Variants in RALGPS2 observed in about 807,000 individuals in gnomAD.
RALGPS2 encodes ras-specific guanine nucleotide-releasing factor RalGPS2.
A neutral mutation model predicts 86.8 loss-of-function variants in RALGPS2; 43 were observed. That is an observed-to-expected ratio of 0.50 (90% confidence interval 0.39 to 0.64). The LOEUF (loss-of-function observed/expected upper bound fraction) is 0.64. RALGPS2 is among the 30% of genes least tolerant of loss of function. The pLI, the probability that RALGPS2 is intolerant of heterozygous loss-of-function variation, is 0.00. For missense variants in RALGPS2, 536 were observed against 694.6 expected, an observed-to-expected ratio of 0.77 and a Z score of 2.57; for synonymous variants, 243 against 231.3, an observed-to-expected ratio of 1.05 and a Z score of -0.46.
chr1:178,773,323 G>C (rs1346771167), intron 1 of RALGPS2, among the ~76,000 whole-genome samples: 1 of 152,010 alleles, frequency 6.6e-6, no homozygotes, highest in East Asian at 1.9e-4. Flanking sequence ...CAGCCTGCAT[G>C]ACAGAGCAAG....
intron 16 of RALGPS2, among the ~76,000 whole-genome samples, chr1:178,897,350 C>G (rs757125567): frequency 3.2e-4 from 48 of 151,988 alleles, no homozygotes; most frequent in Non-Finnish European, 5.9e-4. Context: ...GACTGTAAAG[C>G]AAACTTCTTT....
chr1:178,913,579 C>T (rs144023537), intron 19 of RALGPS2, among the ~76,000 whole-genome samples: 1 of 152,160 alleles, frequency 6.6e-6, no homozygotes, highest in Admixed American at 6.5e-5. Flanking sequence ...AGAGTTCTTG[C>T]ATTGGTTCTT....
chr1:178,869,679 A>G (rs1334974), intron 8 of RALGPS2, among the ~76,000 whole-genome samples: 23,180 of 152,094 alleles, frequency 0.15, 2,059 homozygotes, highest in East Asian at 0.31. Context: ...CTTTAAGGAA[A>G]GGACACAAAA....
At chr1:178,892,401 C>A in intron 15 of RALGPS2, 94 bp downstream of exon 15, 1 of 1,005,552 alleles carries the variant, frequency 9.9e-7, no homozygotes. Flanking sequence ...TCTTTTCTTT[C>A]TCAACTAATT....
intron 4 of RALGPS2, among the ~76,000 whole-genome samples, chr1:178,806,500 A>G (rs184570372): frequency 6.6e-6 from 1 of 152,248 alleles, no homozygotes; most frequent in African/African-American, 2.4e-5. Flanking sequence ...TATGGTCTTC[A>G]AATTAGCATA....
chr1:178,822,060 AT>A (rs1370991915), intron 7 of RALGPS2, among the ~76,000 whole-genome samples: 2 of 152,210 alleles, frequency 1.3e-5, no homozygotes, highest in Non-Finnish European at 2.9e-5. Context: ...AGTTTGAGGC[AT>A]ATCTGAATCA....
chr1:178,800,424 C>A (rs1288719792), intron 4 of RALGPS2, among the ~76,000 whole-genome samples: 1 of 152,042 alleles, frequency 6.6e-6, no homozygotes, highest in Non-Finnish European at 1.5e-5. Context: ...ACCACTGAGA[C>A]AACAAGACCA....
chr1:178,815,403 TAGG>T (rs777364767), intron 6 of RALGPS2, among the ~76,000 whole-genome samples: 64 of 152,264 alleles, frequency 4.2e-4, no homozygotes, highest in Non-Finnish European at 6.3e-4. Flanking sequence ...TTGATTTTTG[TAGG>T]AGTTCTTTAT....
At chr1:178,898,556 G>GT (rs1558177527) in intron 17 of RALGPS2, among the ~76,000 whole-genome samples, 1 of 151,906 alleles carries the variant, frequency 6.6e-6, no homozygotes, top group African/African-American at 2.4e-5. Context: ...GGGAAGTACC[G>GT]TAAGATAGCA....
chr1:178,869,542 C>A lies in RALGPS2; in HGVS notation c.608-7956C>A, dbSNP rs192529436. The stretch of plus-strand genomic sequence containing the variant: ...AGGCTTAATGAAGTCCTGCACTTCC[C>A]ATAGCATGCAACAACAAAAAAGAGA... On this transcript the variant is annotated intron_variant, in intron 8 of 19. Coordinates refer to ENST00000367635, the MANE Select transcript of RALGPS2 (RefSeq NM_152663.5). Among the ~76,000 whole-genome samples, 6 of 152,112 alleles carry A rather than the reference C, an allele frequency of 3.9e-5. No homozygotes were observed. In the East Asian group the frequency reaches 7.7e-4, roughly 20 times the overall value.
chr1:178,770,215 T>C (rs373075235), intron 1 of RALGPS2, among the ~76,000 whole-genome samples: 2 of 151,854 alleles, frequency 1.3e-5, no homozygotes, highest in Non-Finnish European at 2.9e-5. Context: ...GATAGGATTT[T>C]ACCATGTCAC....
chr1:178,844,798 T>C (rs559813242), intron 8 of RALGPS2, among the ~76,000 whole-genome samples: 2 of 152,352 alleles, frequency 1.3e-5, no homozygotes, highest in East Asian at 1.9e-4. Context: ...AATTTAGTTA[T>C]ATGAAACATC....
chr1:178,913,520 T>G (rs1480621166), intron 19 of RALGPS2, among the ~76,000 whole-genome samples: 3 of 152,214 alleles, frequency 2.0e-5, no homozygotes, highest in Non-Finnish European at 4.4e-5. Context: ...GCTGGGAACC[T>G]ATTGTAGTTG....
rs1057003313 is a variant in RALGPS2 at position 178,756,719 on chromosome 1, T to C, written c.-83-19963T>C. ...AAAAATGTTTGTAGCTTTATAGGAA[T>C]AGTATTGAATCTGCAGATTGCTTTG... On this transcript the variant is annotated intron_variant, in intron 1 of 19. Transcript: ENST00000367635. Among the ~76,000 whole-genome samples the C allele has an allele frequency of 2.8e-4, 43 of 152,142 alleles. 1 individual carries two copies. Among genetic ancestry groups the C allele is most frequent in the Non-Finnish European group, 4.4e-5 (3 of 68,004 alleles).
intron 19 of RALGPS2, among the ~76,000 whole-genome samples, chr1:178,908,701 T>C (rs1439507203): frequency 1.3e-5 from 2 of 152,200 alleles, no homozygotes; most frequent in African/African-American, 2.4e-5. Flanking sequence ...TTGTTGGCCA[T>C]GTGTATTTCT....
At chr1:178,852,608 C>T (rs1285055945) in intron 8 of RALGPS2, 15 of 1,467,482 alleles carry the variant, frequency 1.0e-5, no homozygotes, top group Admixed American at 2.1e-5. Context: ...ACTTTAGTAG[C>T]ATATATATTA....
At chr1:178,897,849 G>C (rs1660014582) in intron 17 of RALGPS2, 93 bp downstream of exon 17, 4 of 1,006,646 alleles carry the variant, frequency 4.0e-6, no homozygotes, top group Middle Eastern at 2.2e-4. Flanking sequence ...AGGTTTTTTG[G>C]GTTTGCCTTG....
In RALGPS2 at chr1:178,889,631, T is replaced by C; in HGVS notation, c.1193-11T>C. ...CTGATGTTTAAAAAATAGGATAACT[T>C]TTCATTTTAGGTAGCAGCGATGGTT... On this transcript the variant is annotated splice_polypyrimidine_tract_variant and intron_variant, in intron 13 of 19. Transcript: ENST00000367635. 6.3e-7 allele frequency: 1 copy of C among 1,588,078 alleles called. No individual in the cohort carries two copies. Among genetic ancestry groups the C allele is most frequent in the Non-Finnish European group, 8.6e-7 (1 of 1,160,800 alleles).
chr1:178,750,677 T>TA (rs1651601577), intron 1 of RALGPS2, among the ~76,000 whole-genome samples: 1 of 152,234 alleles, frequency 6.6e-6, no homozygotes, highest in Non-Finnish European at 1.5e-5. Flanking sequence ...TTGATGTTCG[T>TA]ATTTATAATT....
Sources: gnomAD v4.1 joint callset for allele counts (sites outside exome capture counted in the v4.1 genomes callset) on GRCh38, gnomAD v4.1.1 for gene constraint, MANE v1.5 for transcripts, NCBI Gene and HGNC (gene_info 2026-07-23, HGNC 2026-07-21) for gene names.